The following NYAP2 variants were observed in gnomAD, a reference collection of about 807,000 sequenced individuals.
The protein encoded by NYAP2 is neuronal tyrosine-phosphorylated phosphoinositide-3-kinase adaptor 2.
Under a neutral mutation model 50.4 loss-of-function variants are expected in NYAP2, and 23 were observed. That is an observed-to-expected ratio of 0.46 (90% CI 0.33 to 0.65). NYAP2 has a LOEUF of 0.65. Among genes scored for constraint, NYAP2 ranks in the 30% least tolerant of loss-of-function variants. NYAP2 has a pLI of 0.02. For missense variants in NYAP2, 885 were observed against 861.0 expected, an observed-to-expected ratio of 1.03 and a Z score of -0.35; for synonymous variants, 394 against 365.2, an observed-to-expected ratio of 1.08 and a Z score of -0.90.
At chr2:225,478,159 A>G (rs1177865663) in intron 3 of NYAP2, among the ~76,000 whole-genome samples, 2 of 152,190 alleles carry the variant, frequency 1.3e-5, no homozygotes, top group African/African-American at 4.8e-5. Context: ...TACACTTAGT[A>G]TAGAGATGCT....
intron 4 of NYAP2, among the ~76,000 whole-genome samples, chr2:225,579,401 A>T (rs1409211631): frequency 6.6e-6 from 1 of 152,192 alleles, no homozygotes; most frequent in Non-Finnish European, 1.5e-5. Flanking sequence ...AATTGTTTGT[A>T]AATGGATTGT....
intron 4 of NYAP2, among the ~76,000 whole-genome samples, chr2:225,565,857 T>A (rs956702639): frequency 4.6e-5 from 7 of 152,142 alleles, no homozygotes; most frequent in Admixed American, 2.0e-4. Flanking sequence ...AAATTCAGAC[T>A]AATTTGACTT....
intron 3 of NYAP2, among the ~76,000 whole-genome samples, chr2:225,490,709 C>T (rs1020090321): frequency 6.6e-6 from 1 of 152,154 alleles, no homozygotes; most frequent in Non-Finnish European, 1.5e-5. Context: ...CCTGACAGGG[C>T]ATGGGGCCTG....
At chr2:225,647,449 C>T (rs142935693) in intron 6 of NYAP2, among the ~76,000 whole-genome samples, 3 of 152,228 alleles carry the variant, frequency 2.0e-5, no homozygotes, top group East Asian at 1.9e-4. Flanking sequence ...GGTGGGCAGA[C>T]GTTAAACACC....
chr2:225,415,520 A>T (rs1171713493), intron 3 of NYAP2, among the ~76,000 whole-genome samples: 1 of 152,134 alleles, frequency 6.6e-6, no homozygotes, highest in Admixed American at 6.6e-5. Context: ...GATAGTAATG[A>T]CTTCTGGGAT....
At chr2:225,514,327 A>G (rs1174381815) in intron 4 of NYAP2, among the ~76,000 whole-genome samples, 2 of 152,180 alleles carry the variant, frequency 1.3e-5, no homozygotes, top group Non-Finnish European at 2.9e-5. Context: ...AGCTTCCCTG[A>G]GTTACTCCTG....
In NYAP2 at chr2:225,605,152, T is replaced by C. The variant is rs527434082; in HGVS notation, c.1619-21765T>C. ...CGATATTTTTCTCCCCATGCATTAA[T>C]ATTTTTAGTGCCTGAATGCCTCTGA... On this transcript the variant is annotated intron_variant, in intron 5 of 6. Coordinates refer to ENST00000636099, the Ensembl canonical transcript of NYAP2. Among the ~76,000 whole-genome samples, 4 of 152,238 alleles carry C rather than the reference T, an allele frequency of 2.6e-5. No individual in the cohort carries two copies. In the East Asian group the frequency reaches 7.7e-4, roughly 29 times the overall value.
intron 3 of NYAP2, among the ~76,000 whole-genome samples, chr2:225,501,847 C>T (rs1422296660): frequency 6.6e-6 from 1 of 152,172 alleles, no homozygotes; most frequent in African/African-American, 2.4e-5. Context: ...GGTCTGTGCT[C>T]TCAAGGAGCT....
chr2:225,676,014 C>T, the NYAP2 span, among the ~76,000 whole-genome samples: 8 of 151,854 alleles, frequency 5.3e-5, 1 homozygote, highest in South Asian at 2.1e-4. Flanking sequence ...TTTTGTTTTT[C>T]GCTTGTTGAT....
rs1690552746 is a variant in NYAP2, at chr2:225,498,914, C to T, written c.222-14457C>T. On this transcript the variant is annotated intron_variant, in intron 3 of 6. Coordinates refer to ENST00000636099, the Ensembl canonical transcript of NYAP2. Reference sequence around the variant, plus strand: ...ATGCTAATCTTGGGTGTCAAAGGAACACCCATTTGGAAATGCGCAGTATTT... The same window carrying T: ...ATGCTAATCTTGGGTGTCAAAGGAATACCCATTTGGAAATGCGCAGTATTT... Among the ~76,000 whole-genome samples, 3 of 152,142 alleles carry T rather than the reference C, an allele frequency of 2.0e-5. No homozygotes were observed. In the South Asian group the frequency reaches 6.2e-4, roughly 32 times the overall value.
the NYAP2 span, among the ~76,000 whole-genome samples, chr2:225,674,307 C>T: frequency 6.6e-6 from 1 of 151,886 alleles, no homozygotes; most frequent in Non-Finnish European, 1.5e-5. Context: ...CAAAGAAGGG[C>T]TATGTTTTCT....
chr2:225,578,658 G>T (rs542091225), intron 4 of NYAP2, among the ~76,000 whole-genome samples: 1 of 152,314 alleles, frequency 6.6e-6, no homozygotes, highest in African/African-American at 2.4e-5. Context: ...TGACATAGTT[G>T]TAAAAGTTAA....
At chr2:225,481,368 A>G (rs983545772) in intron 3 of NYAP2, among the ~76,000 whole-genome samples, 2 of 152,122 alleles carry the variant, frequency 1.3e-5, no homozygotes, top group Admixed American at 6.5e-5. Flanking sequence ...TGTATTTGTT[A>G]GAAAATGCTC....
intron 4 of NYAP2, among the ~76,000 whole-genome samples, chr2:225,521,664 G>A (rs1691061673): frequency 6.6e-6 from 1 of 151,532 alleles, no homozygotes; most frequent in East Asian, 1.9e-4. Context: ...TGTGCTGCTG[G>A]ATTCGGTTTG....
chr2:225,698,196 A>G, the NYAP2 span: 1 of 151,968 alleles, frequency 6.6e-6, no homozygotes, highest in South Asian at 2.1e-4. Context: ...AAAACTAAAA[A>G]GAATTTTAGA....
exon 7 of NYAP2, chr2:225,651,710 G>T (rs1693735720): frequency 1.2e-6 from 1 of 844,578 alleles, no homozygotes; most frequent in East Asian, 2.6e-5. Context: ...GTTTTCATTT[G>T]AAAAAGAATA....
chr2:225,458,295 G>T (rs952036597), intron 3 of NYAP2, among the ~76,000 whole-genome samples: 17 of 152,124 alleles, frequency 1.1e-4, no homozygotes, highest in Admixed American at 1.3e-4. Flanking sequence ...AGGCTGAAGT[G>T]AGCCATGATT....
At chr2:225,645,112 G>A (rs1693606840) in intron 6 of NYAP2, among the ~76,000 whole-genome samples, 1 of 151,954 alleles carries the variant, frequency 6.6e-6, no homozygotes, top group Admixed American at 6.6e-5. Context: ...ATACAGGTTA[G>A]CCGTCCATGG....
intron 4 of NYAP2, among the ~76,000 whole-genome samples, chr2:225,541,525 A>G (rs1409897663): frequency 6.6e-6 from 1 of 152,104 alleles, no homozygotes; most frequent in African/African-American, 2.4e-5. Flanking sequence ...CCCATTTTCC[A>G]AGCACCTTTT....
Sources: gnomAD v4.1 joint callset for allele counts (sites outside exome capture counted in the v4.1 genomes callset) on GRCh38, gnomAD v4.1.1 for gene constraint, MANE v1.5 for transcripts, NCBI Gene and HGNC (gene_info 2026-07-23, HGNC 2026-07-21) for gene names.